Variants in SATB2 observed in about 807,000 individuals in gnomAD.
SATB2 encodes DNA-binding protein SATB2.
A neutral mutation model predicts 73.4 loss-of-function variants in SATB2; 1 was observed. That is an observed-to-expected ratio of 0.01 (90% CI 0.00 to 0.06). The LOEUF (loss-of-function observed/expected upper bound fraction) is 0.06, where lower values mean the gene tolerates loss of function less well. SATB2 is among the 10% of genes least tolerant of loss of function. SATB2 has a pLI of 1.00. For missense variants in SATB2, 459 were observed against 945.8 expected (o/e 0.49, Z 6.75); for synonymous variants, 397 against 367.0 (o/e 1.08, Z -0.93).
At chr2:199,277,103 C>T (rs917196803) in intron 10 of SATB2, among the ~76,000 whole-genome samples, 5 of 152,110 alleles carry the variant, frequency 3.3e-5, no homozygotes, top group East Asian at 1.9e-4. Flanking sequence ...ATAGGAAAAA[C>T]AAATTAATAT....
At chr2:199,425,774 C>T (rs1409345061) in intron 3 of SATB2, among the ~76,000 whole-genome samples, 1 of 152,066 alleles carries the variant, frequency 6.6e-6, no homozygotes, top group Non-Finnish European at 1.5e-5. Flanking sequence ...ATTAGATATT[C>T]AATCTTAACT....
At position 199,463,636 on chromosome 2, in the gene SATB2, T is replaced by C. The variant is rs1480761126; in HGVS notation, c.-141+1200A>G. ...CCGGTCGCGTCCCGGAGCCAACCCT[T>C]CCGCGTCGCCTGCAGTCCACGGGTT... On this transcript the variant is annotated intron_variant, in intron 1 of 11. Transcript: ENST00000260926. This position sits in a 1 kb window ranked among gnomAD's most constrained non-coding sequence, Gnocchi z 6.4. 6.6e-6 allele frequency among the ~76,000 whole-genome samples: 1 copy of C among 152,090 alleles called. No individual in the cohort carries two copies. Among genetic ancestry groups the C allele is most frequent in the Non-Finnish European group, 1.5e-5 (1 of 68,006 alleles).
intron 6 of SATB2, among the ~76,000 whole-genome samples, chr2:199,365,826 GT>G (rs1689266727): frequency 6.6e-6 from 1 of 151,422 alleles, no homozygotes; most frequent in Non-Finnish European, 1.5e-5. Context: ...TTTTTGCCAG[GT>G]TTTAGTCATA....
intron 9 of SATB2, among the ~76,000 whole-genome samples, chr2:199,309,865 A>C (rs1687547362): frequency 6.6e-6 from 1 of 152,234 alleles, no homozygotes. Context: ...ATAAACACGA[A>C]TGACTTTGTG....
At chr2:199,357,940 T>C (rs1689034695) in intron 6 of SATB2, among the ~76,000 whole-genome samples, 1 of 152,116 alleles carries the variant, frequency 6.6e-6, no homozygotes, top group Non-Finnish European at 1.5e-5. Flanking sequence ...TCACATAATA[T>C]AACAGCTTGA....
intron 9 of SATB2, among the ~76,000 whole-genome samples, chr2:199,319,220 G>A (rs1687818366): frequency 6.6e-6 from 1 of 152,116 alleles, no homozygotes; most frequent in South Asian, 2.1e-4. Context: ...CCATTCTAAA[G>A]TGTGTAGTAG....
intron 5 of SATB2, among the ~76,000 whole-genome samples, chr2:199,369,837 T>G (rs1689390708): frequency 1.3e-5 from 2 of 152,172 alleles, no homozygotes; most frequent in Non-Finnish European, 2.9e-5. Flanking sequence ...AACAGACTCC[T>G]CTTTTTTAAT....
chr2:199,366,902 G>GCACACACA (rs71015897), intron 6 of SATB2, among the ~76,000 whole-genome samples: 19 of 149,720 alleles, frequency 1.3e-4, no homozygotes, highest in Non-Finnish European at 1.2e-4. Context: ...ATGTGCGAAT[G>GCACACACA]CACACACACA....
At chr2:199,311,669 T>C (rs561802473) in intron 9 of SATB2, among the ~76,000 whole-genome samples, 3 of 152,290 alleles carry the variant, frequency 2.0e-5, no homozygotes, top group East Asian at 3.9e-4. Flanking sequence ...ATTTTTGTGT[T>C]AGTTTTCCTC....
chr2:199,395,270 G>C (rs1690264899), intron 3 of SATB2, among the ~76,000 whole-genome samples: 1 of 152,138 alleles, frequency 6.6e-6, no homozygotes, highest in South Asian at 2.1e-4. Flanking sequence ...GGGCATTTAA[G>C]TTTATCATGG....
intron 10 of SATB2, among the ~76,000 whole-genome samples, chr2:199,279,286 T>A (rs1003877463): frequency 2.0e-5 from 3 of 152,226 alleles, no homozygotes; most frequent in Non-Finnish European, 4.4e-5. Flanking sequence ...AAAGACCTAA[T>A]GGTACCATGA....
intron 3 of SATB2, among the ~76,000 whole-genome samples, chr2:199,397,284 T>C (rs935895993): frequency 6.6e-6 from 1 of 152,132 alleles, no homozygotes; most frequent in Admixed American, 6.5e-5. Context: ...TAGAGAAAAA[T>C]AGTATATTAA....
chr2:199,319,606 A>T (rs903870163), intron 9 of SATB2, among the ~76,000 whole-genome samples: 2 of 152,020 alleles, frequency 1.3e-5, no homozygotes, highest in African/African-American at 4.8e-5. Context: ...TTTTTAATGG[A>T]GGGAAGGGAA....
chr2:199,444,045 G>T (rs142962887), intron 2 of SATB2, among the ~76,000 whole-genome samples: 2 of 152,104 alleles, frequency 1.3e-5, no homozygotes, highest in African/African-American at 4.8e-5. Flanking sequence ...TAGTGCCTGT[G>T]TAATTTATAG....
chr2:199,439,929 C>A (rs1691762167), intron 2 of SATB2, among the ~76,000 whole-genome samples: 1 of 151,898 alleles, frequency 6.6e-6, no homozygotes, highest in Non-Finnish European at 1.5e-5. Flanking sequence ...CATGGTGAGA[C>A]CCCCGTATCT....
chr2:199,381,949 G>T, intron 3 of SATB2, 129 bp from the exon 4 acceptor site: 1 of 1,019,032 alleles, frequency 9.8e-7, no homozygotes, highest in Non-Finnish European at 1.5e-6. Context: ...TTACAACCCA[G>T]TGCAATAAGC....
At chr2:199,367,404 T>C (rs965354136) in intron 6 of SATB2, among the ~76,000 whole-genome samples, 1 of 152,130 alleles carries the variant, frequency 6.6e-6, no homozygotes, top group Non-Finnish European at 1.5e-5. Context: ...TTATAAAACA[T>C]ATATTTAGCA....
intron 3 of SATB2, among the ~76,000 whole-genome samples, chr2:199,432,999 G>C (rs571251389): frequency 6.6e-6 from 1 of 152,240 alleles, no homozygotes; most frequent in East Asian, 1.9e-4. Flanking sequence ...TTGGAAAACT[G>C]AATGCTTTAT....
chr2:199,349,560 G>A (rs1204682811), intron 6 of SATB2, among the ~76,000 whole-genome samples: 1 of 152,098 alleles, frequency 6.6e-6, no homozygotes, highest in Non-Finnish European at 1.5e-5. Flanking sequence ...TGTAGTTAAT[G>A]GTTATCAGGA....
Sources: allele counts gnomAD v4.1 joint callset (sites outside exome capture counted in the v4.1 genomes callset), GRCh38; gene constraint gnomAD v4.1.1; non-coding constraint Gnocchi (gnomAD v3.1); transcripts MANE v1.5; gene names NCBI Gene and HGNC (gene_info 2026-07-23, HGNC 2026-07-21).